Variants in MTUS1 observed in about 807,000 individuals in gnomAD.
The protein encoded by MTUS1 is microtubule associated scaffold protein 1, also known as microtubule-associated tumor suppressor 1.
A neutral mutation model predicts 120.8 loss-of-function variants in MTUS1; 109 were observed. The ratio of observed to expected loss-of-function variants is 0.90; its 90% confidence interval spans 0.77 to 1.06. The LOEUF is 1.06. Ranked by LOEUF, MTUS1 falls within the 50% of genes least tolerant of loss-of-function variation. The probability of loss-of-function intolerance (pLI) is 0.00; values close to 1 mark genes in which losing one functional copy is unlikely to be tolerated. For synonymous variants in MTUS1, 737 were observed against 550.5 expected (o/e 1.34, Z -4.74); for missense variants, 2,210 against 1,486.3 (o/e 1.49, Z -8.01).
chr8:17,704,511 C>A (rs986417895), intron 6 of MTUS1, among the ~76,000 whole-genome samples: 1 of 152,174 alleles, frequency 6.6e-6, no homozygotes, highest in Non-Finnish European at 1.5e-5. Flanking sequence ...TTTCCCAGTA[C>A]TATCTACAAA....
intron 3 of MTUS1, among the ~76,000 whole-genome samples, chr8:17,728,170 A>G (rs532511496): frequency 7.9e-5 from 12 of 152,326 alleles, no homozygotes; most frequent in African/African-American, 2.9e-4. Flanking sequence ...GAGTTGTTCA[A>G]TGGGTAGAAA....
intron 6 of MTUS1, 147 bp downstream of exon 6, chr8:17,713,067 T>C (rs1821647291): frequency 1.4e-6 from 1 of 699,256 alleles, no homozygotes; most frequent in East Asian, 2.6e-5. Flanking sequence ...TTTAATGCTA[T>C]GCGACCCGTC....
chr8:17,737,243 TC>T (rs778326705), intron 3 of MTUS1, among the ~76,000 whole-genome samples: 27 of 152,306 alleles, frequency 1.8e-4, no homozygotes, highest in Non-Finnish European at 3.4e-4. Flanking sequence ...ACTGAAGCTT[TC>T]AGACCCTCAA....
At chr8:17,693,531 A>G (rs1403897372) in intron 6 of MTUS1, among the ~76,000 whole-genome samples, 1 of 152,132 alleles carries the variant, frequency 6.6e-6, no homozygotes, top group Non-Finnish European at 1.5e-5. Context: ...ACCACATTCT[A>G]TGCTCAGAAA....
At chr8:17,647,357 A>G (rs1806036296) in intron 13 of MTUS1, 2 of 305,438 alleles carry the variant, frequency 6.5e-6, no homozygotes, top group Non-Finnish European at 1.2e-5. Flanking sequence ...GGAATTCTCT[A>G]AGAATTGGTG....
chr8:17,751,369 G>C (rs1458516034), intron 2 of MTUS1, among the ~76,000 whole-genome samples: 1 of 152,172 alleles, frequency 6.6e-6, no homozygotes, highest in Non-Finnish European at 1.5e-5. Context: ...GCCTTTGAGT[G>C]CTGCTGAAGT....
chr8:17,761,224 T>A (rs1272426960), intron 1 of MTUS1, among the ~76,000 whole-genome samples: 2 of 152,158 alleles, frequency 1.3e-5, no homozygotes, highest in East Asian at 3.8e-4. Flanking sequence ...TTCCAATGCC[T>A]TTGGAAAAAA....
intron 2 of MTUS1, among the ~76,000 whole-genome samples, chr8:17,753,483 G>A (rs2048345803): frequency 6.6e-6 from 1 of 152,048 alleles, no homozygotes; most frequent in Non-Finnish European, 1.5e-5. Flanking sequence ...TAAAAGGAAC[G>A]GTGATACTTG....
At chr8:17,658,001 C>T in intron 8 of MTUS1, among the ~76,000 whole-genome samples, 1 of 141,106 alleles carries the variant, frequency 7.1e-6, no homozygotes, top group African/African-American at 2.6e-5. Flanking sequence ...TACATATATA[C>T]ACATATATAC....
rs570512847 is a variant in MTUS1, at chr8:17,645,074, GTTT to G, written c.*849_*851del. 15 of 133,728 alleles carry G rather than the reference GTTT, an allele frequency of 1.1e-4. No homozygotes were observed. Among genetic ancestry groups the G allele is most frequent in the Admixed American group, 4.5e-4 (6 of 13,284 alleles). 8.3% of individuals were successfully genotyped at this position (133,728 alleles called of 1,614,324 possible). A position where few individuals can be genotyped will look rare whatever the true frequency, so the allele number is the denominator to read the frequency against. On this transcript the variant is annotated 3_prime_UTR_variant, in exon 15 of 15. Transcript: ENST00000693296. ...CTTTACACAGTTAGTTAGTTAGTTT[GTTT>G]TTTTATAGAAAAATTAGGGTTCTAC...
At chr8:17,791,320 A>G (rs1201235925) in intron 1 of MTUS1, among the ~76,000 whole-genome samples, 1 of 152,244 alleles carries the variant, frequency 6.6e-6, no homozygotes, top group Non-Finnish European at 1.5e-5. Flanking sequence ...CACTATGCTT[A>G]AAAGATGAAA....
chr8:17,664,859 C>T (rs555032462), intron 8 of MTUS1, among the ~76,000 whole-genome samples: 1 of 152,098 alleles, frequency 6.6e-6, no homozygotes, highest in Non-Finnish European at 1.5e-5. Context: ...AACAAGTAAC[C>T]AAGAAGTCAT....
intron 7 of MTUS1, among the ~76,000 whole-genome samples, chr8:17,679,463 AT>A (rs964913442): frequency 3.9e-4 from 58 of 148,772 alleles, no homozygotes; most frequent in African/African-American, 1.4e-3. Flanking sequence ...TTTACCCATG[AT>A]TTTTTTTCTC....
At chr8:17,796,994 C>G (rs1169121661) in intron 1 of MTUS1, among the ~76,000 whole-genome samples, 1 of 152,032 alleles carries the variant, frequency 6.6e-6, no homozygotes. Flanking sequence ...CACCTGTAAT[C>G]CCAGCTACTC....
chr8:17,750,712 C>T (rs1476662799), intron 2 of MTUS1, among the ~76,000 whole-genome samples: 1 of 152,160 alleles, frequency 6.6e-6, no homozygotes, highest in East Asian at 1.9e-4. Flanking sequence ...CATTAAATGG[C>T]ATAATATAAC....
At chr8:17,694,080 T>A (rs1817487411) in intron 6 of MTUS1, among the ~76,000 whole-genome samples, 1 of 152,208 alleles carries the variant, frequency 6.6e-6, no homozygotes, top group Non-Finnish European at 1.5e-5. Context: ...ACTTTTTACC[T>A]ATTAATTTTT....
In MTUS1 at chr8:17,691,554, T is replaced by C. The variant is rs538410307; in HGVS notation, c.2624-7012A>G. Among the ~76,000 whole-genome samples the C allele has an allele frequency of 2.0e-5, 3 of 152,358 alleles. No individual in the cohort carries two copies. In the South Asian group the frequency reaches 6.2e-4, roughly 32 times the overall value. On this transcript the variant is annotated intron_variant, in intron 6 of 14. Coordinates refer to ENST00000693296, the MANE Select transcript of MTUS1 (RefSeq NM_001363059.2). The stretch of plus-strand genomic sequence containing the variant: ...CTTTCATGACTGCTTTCAAGGAGGC[T>C]GAAAGGAAGAATCTGGATTCACAGT...
At chr8:17,697,743 C>G (rs1818267860) in intron 6 of MTUS1, 2 of 993,368 alleles carry the variant, frequency 2.0e-6, no homozygotes, top group South Asian at 9.3e-5. Flanking sequence ...GTCTCAGGAG[C>G]TTTACAGAAC....
intron 8 of MTUS1, among the ~76,000 whole-genome samples, chr8:17,656,544 A>ACCCCCC (rs781054052): frequency 2.9e-5 from 2 of 68,668 alleles, no homozygotes; most frequent in Admixed American, 1.3e-4. Flanking sequence ...AAACAAACAA[A>ACCCCCC]ACCCCCCCCC....
Sources: allele counts gnomAD v4.1 joint callset (sites outside exome capture counted in the v4.1 genomes callset), GRCh38; gene constraint gnomAD v4.1.1; transcripts MANE v1.5; gene names NCBI Gene and HGNC (gene_info 2026-07-23, HGNC 2026-07-21).